TMTC1: variants seen among roughly 807,000 people sequenced by gnomAD.
TMTC1 encodes transmembrane O-mannosyltransferase targeting cadherins 1.
In TMTC1, 73 loss-of-function variants were observed where a neutral mutation model predicts 104.8. The observed-to-expected ratio is 0.70, with a 90% CI of 0.58 to 0.85. The LOEUF is 0.85. TMTC1 is among the 40% of genes least tolerant of loss of function. The pLI, the probability that TMTC1 is intolerant of heterozygous loss-of-function variation, is 0.00. For synonymous variants in TMTC1, 434 were observed against 428.7 expected, an observed-to-expected ratio of 1.01 and a Z score of -0.15; for missense variants, 1,035 against 1,096.1, an observed-to-expected ratio of 0.94 and a Z score of 0.79.
intron 5 of TMTC1, among the ~76,000 whole-genome samples, chr12:29,639,901 C>T (rs146990290): frequency 5.3e-5 from 8 of 152,230 alleles, no homozygotes; most frequent in East Asian, 3.9e-4. Flanking sequence ...CTATAGACAA[C>T]GATATATGAC....
intron 7 of TMTC1, 143 bp downstream of exon 7, chr12:29,604,035 T>A (rs764627481): frequency 2.2e-5 from 24 of 1,099,002 alleles, no homozygotes; most frequent in Non-Finnish European, 2.9e-5. Flanking sequence ...ACCTTCTGTG[T>A]GGCTGTTTTT....
intron 4 of TMTC1, among the ~76,000 whole-genome samples, chr12:29,753,654 A>G (rs1174868665): frequency 6.6e-6 from 1 of 152,146 alleles, no homozygotes; most frequent in Non-Finnish European, 1.5e-5. Flanking sequence ...GTTCCTTCCT[A>G]CCACTTTTTA....
chr12:29,715,855 C>T (rs575541078), intron 5 of TMTC1, among the ~76,000 whole-genome samples: 1 of 152,188 alleles, frequency 6.6e-6, no homozygotes, highest in African/African-American at 2.4e-5. Context: ...AACTCACTCA[C>T]TATTATGAGA....
chr12:29,681,959 A>AT (rs1163389691), intron 5 of TMTC1, among the ~76,000 whole-genome samples: 5 of 152,196 alleles, frequency 3.3e-5, no homozygotes, highest in African/African-American at 1.2e-4. Flanking sequence ...AAAATTGTGT[A>AT]TATGTTTGAA....
intron 6 of TMTC1, among the ~76,000 whole-genome samples, chr12:29,623,829 AT>A (rs1407080473): frequency 0.034 from 2,622 of 76,076 alleles, 76 homozygotes; most frequent in African/African-American, 0.17. Flanking sequence ...AAATAAATAA[AT>A]TAAATTAAAT....
At chr12:29,721,413 A>G (rs1434933685) in intron 5 of TMTC1, among the ~76,000 whole-genome samples, 2 of 152,208 alleles carry the variant, frequency 1.3e-5, no homozygotes, top group African/African-American at 4.8e-5. Context: ...GAAATCTAGC[A>G]TAGTTATAAC....
Position 29,771,151 on chromosome 12 carries a change from T to C in TMTC1, c.303-3076A>G, listed in dbSNP as rs571802815. ...TCAAAGGTTTAATGAAACTATACAGTGTATACTTATCAAGATACAAAATGC... is the reference window on the plus strand; with the variant it reads ...TCAAAGGTTTAATGAAACTATACAGCGTATACTTATCAAGATACAAAATGC... On this transcript the variant is annotated intron_variant, in intron 1 of 17. Coordinates refer to ENST00000539277, the MANE Select transcript of TMTC1 (RefSeq NM_001193451.2). 2.6e-5 allele frequency among the ~76,000 whole-genome samples: 4 copies of C among 152,292 alleles called. No individual in the cohort carries two copies. In the East Asian group the frequency reaches 7.7e-4, roughly 29 times the overall value.
rs138197433 is a variant in TMTC1, at chr12:29,546,072, G to A, written c.1677-9755C>T. Among the ~76,000 whole-genome samples, 1,356 of 152,286 alleles carry A rather than the reference G, an allele frequency of 8.9e-3. 26 individuals are homozygous for A. Among genetic ancestry groups the A allele is most frequent in the African/African-American group, 0.031 (1,287 of 41,550 alleles). ...CTCTCCCAGCTGCTAGTCTTGAGGA[G>A]AACACACAGGAGGTGGTAGTGAGGC... On this transcript the variant is annotated intron_variant, in intron 10 of 17. Coordinates refer to ENST00000539277, the MANE Select transcript of TMTC1 (RefSeq NM_001193451.2).
At chr12:29,656,012 G>A (rs983947256) in intron 5 of TMTC1, among the ~76,000 whole-genome samples, 4 of 152,060 alleles carry the variant, frequency 2.6e-5, no homozygotes, top group South Asian at 2.1e-4. Flanking sequence ...GGAGCCAGAC[G>A]GCCATAACCA....
intron 10 of TMTC1, among the ~76,000 whole-genome samples, chr12:29,549,133 T>C (rs929335722): frequency 1.3e-5 from 2 of 150,546 alleles, no homozygotes; most frequent in Non-Finnish European, 1.5e-5. Context: ...TAATAACCCA[T>C]ACCTGTAAAC....
chr12:29,649,052 G>A (rs1939400014), intron 5 of TMTC1, among the ~76,000 whole-genome samples: 1 of 151,910 alleles, frequency 6.6e-6, no homozygotes, highest in South Asian at 2.1e-4. Flanking sequence ...ACTTGTCCTT[G>A]GTTTTATCTT....
chr12:29,636,504 T>G (rs1938556852), intron 5 of TMTC1, among the ~76,000 whole-genome samples: 1 of 152,140 alleles, frequency 6.6e-6, no homozygotes, highest in Admixed American at 6.5e-5. Flanking sequence ...AGTTACAATC[T>G]CAACATAGTT....
At chr12:29,522,795 A>G (rs1944216421) in intron 11 of TMTC1, among the ~76,000 whole-genome samples, 1 of 152,144 alleles carries the variant, frequency 6.6e-6, no homozygotes, top group African/African-American at 2.4e-5. Flanking sequence ...TGTCTGTGTG[A>G]CCTTTCTTAC....
intron 8 of TMTC1, among the ~76,000 whole-genome samples, chr12:29,579,710 T>C (rs759925199): frequency 1.3e-5 from 2 of 152,218 alleles, no homozygotes; most frequent in African/African-American, 2.4e-5. Context: ...TGTAGGGTTC[T>C]GGGCTGTCAC....
chr12:29,502,633 A>T lies in TMTC1; in HGVS notation c.*4213T>A, dbSNP rs1943619230. The T allele has an allele frequency of 6.6e-6, 1 of 152,220 alleles. No individual in the cohort carries two copies. The highest frequency in any genetic ancestry group is 1.9e-4 in the East Asian group (1 of 5,202). 9.4% of individuals were successfully genotyped at this position (152,220 alleles called of 1,614,324 possible). On this transcript the variant is annotated 3_prime_UTR_variant, in exon 18 of 18. Coordinates refer to ENST00000539277, the MANE Select transcript of TMTC1 (RefSeq NM_001193451.2). ...CATAACCACCTATTTGTAATCATGG[A>T]ATGATAGCCTCAACCAACCAATTGT...
intron 10 of TMTC1, among the ~76,000 whole-genome samples, chr12:29,542,489 AT>A (rs1276026690): frequency 6.6e-6 from 1 of 152,164 alleles, no homozygotes; most frequent in African/African-American, 2.4e-5. Flanking sequence ...GATCTAAAAT[AT>A]TTTGTCTTTA....
In TMTC1 at chr12:29,506,154, T is replaced by A. The variant is rs1006491939; in HGVS notation, c.*692A>T. 2 of 152,144 alleles carry A rather than the reference T, an allele frequency of 1.3e-5. No individual in the cohort carries two copies. Among genetic ancestry groups the A allele is most frequent in the African/African-American group, 4.8e-5 (2 of 41,438 alleles). 9.4% of individuals were successfully genotyped at this position (152,144 alleles called of 1,614,324 possible). A position where few individuals can be genotyped will look rare whatever the true frequency, so the allele number is the denominator to read the frequency against. Reference sequence around the variant, plus strand: ...TAAAATTAAAATAGTTTTAAACACTTCCATAAAGAATTAGGGGTGCCCAGC... The same window carrying A: ...TAAAATTAAAATAGTTTTAAACACTACCATAAAGAATTAGGGGTGCCCAGC... On this transcript the variant is annotated 3_prime_UTR_variant, in exon 18 of 18. Transcript: ENST00000539277.
At chr12:29,715,116 T>G (rs1942040412) in intron 5 of TMTC1, among the ~76,000 whole-genome samples, 1 of 152,216 alleles carries the variant, frequency 6.6e-6, no homozygotes, top group African/African-American at 2.4e-5. Context: ...AATGACTACA[T>G]ATACTGGAGA....
intron 10 of TMTC1, among the ~76,000 whole-genome samples, chr12:29,554,947 C>T (rs1417169555): frequency 6.6e-6 from 1 of 152,088 alleles, no homozygotes; most frequent in Non-Finnish European, 1.5e-5. Context: ...CCTCTTATCC[C>T]ATATAGGACC....
Sources: allele counts gnomAD v4.1 joint callset (sites outside exome capture counted in the v4.1 genomes callset), GRCh38; gene constraint gnomAD v4.1.1; transcripts MANE v1.5; gene names NCBI Gene and HGNC (gene_info 2026-07-23, HGNC 2026-07-21).